SHB: variants seen among roughly 807,000 people sequenced by gnomAD.
The protein encoded by SHB is SH2 domain containing adaptor protein B.
Under a neutral mutation model 52.3 loss-of-function variants are expected in SHB, and 20 were observed. That is an observed-to-expected ratio of 0.38 (90% CI 0.27 to 0.56). The LOEUF is 0.56. Among genes scored for constraint, SHB ranks in the 20% least tolerant of loss-of-function variants. The pLI, the probability that SHB is intolerant of heterozygous loss-of-function variation, is 0.71. For synonymous variants in SHB, 397 were observed against 316.5 expected (o/e 1.25, Z -2.70); for missense variants, 825 against 723.3 (o/e 1.14, Z -1.61).
At chr9:37,955,669 T>C (rs993586421) in intron 4 of SHB, among the ~76,000 whole-genome samples, 11 of 152,068 alleles carry the variant, frequency 7.2e-5, no homozygotes, top group Non-Finnish European at 1.5e-4. Context: ...TTTCTTTTTT[T>C]TGTAGAGACA....
intron 3 of SHB, among the ~76,000 whole-genome samples, chr9:37,962,652 G>A (rs1410958692): frequency 6.6e-6 from 1 of 151,776 alleles, no homozygotes; most frequent in African/African-American, 2.4e-5. Flanking sequence ...GACTACAGGT[G>A]CATGCTACCA....
chr9:37,964,919 C>G (rs1394090926), intron 3 of SHB, among the ~76,000 whole-genome samples: 1 of 152,224 alleles, frequency 6.6e-6, no homozygotes, highest in Non-Finnish European at 1.5e-5. Context: ...TTCCTGAGTT[C>G]CGGGCCAGGC....
At chr9:38,016,477 G>T (rs973054037) in intron 1 of SHB, among the ~76,000 whole-genome samples, 1 of 152,250 alleles carries the variant, frequency 6.6e-6, no homozygotes, top group Non-Finnish European at 1.5e-5. Flanking sequence ...GAGTTGCTCG[G>T]TTTAATGGAA....
chr9:38,039,183 A>G (rs1318550144), intron 1 of SHB, among the ~76,000 whole-genome samples: 1 of 152,276 alleles, frequency 6.6e-6, no homozygotes, highest in East Asian at 1.9e-4. Flanking sequence ...GCCCTGTCAG[A>G]TACTGCTGTC....
Position 37,916,759 on chromosome 9 carries a change from C to T in SHB, c.*3062G>A, listed in dbSNP as rs1587186792. ...CGGGACTGGCAGGCGGTGGGGCCCT[C>T]TTCCCCTACAAAGCCTCCTTTCTTT... On this transcript the variant is annotated 3_prime_UTR_variant, in exon 6 of 6. Coordinates refer to ENST00000377707, the MANE Select transcript of SHB (RefSeq NM_003028.3). Among the ~76,000 whole-genome samples, 3 of 152,174 alleles carry T rather than the reference C, an allele frequency of 2.0e-5. No homozygotes were observed. In the East Asian group the frequency reaches 5.8e-4, roughly 29 times the overall value.
intron 5 of SHB, among the ~76,000 whole-genome samples, chr9:37,943,065 C>T (rs979338927): frequency 1.3e-5 from 2 of 152,164 alleles, no homozygotes; most frequent in South Asian, 2.1e-4. Context: ...GGTAAAGCCC[C>T]GACCCCTCCA....
intron 2 of SHB, among the ~76,000 whole-genome samples, chr9:38,012,107 C>T (rs919926539): frequency 6.6e-6 from 1 of 152,160 alleles, no homozygotes; most frequent in African/African-American, 2.4e-5. Context: ...CTCACGCCTT[C>T]CATCCTAGCT....
chr9:38,029,201 G>A (rs1022747986), intron 1 of SHB, among the ~76,000 whole-genome samples: 3 of 152,224 alleles, frequency 2.0e-5, no homozygotes, highest in African/African-American at 7.2e-5. Flanking sequence ...CCCCAGCCTG[G>A]CATAAAGGGG....
intron 2 of SHB, among the ~76,000 whole-genome samples, chr9:37,981,611 G>A (rs987762414): frequency 2.0e-5 from 3 of 151,944 alleles, no homozygotes; most frequent in African/African-American, 7.3e-5. Flanking sequence ...CTAACTATTC[G>A]GTGCAAGAAG....
chr9:38,068,108 A>C lies in SHB; in HGVS notation c.538T>G (p.Ser180Ala), dbSNP rs1173276841. 8 of 1,480,932 alleles carry C rather than the reference A, an allele frequency of 5.4e-6. No homozygotes were observed. Among genetic ancestry groups the C allele is most frequent in the Non-Finnish European group, 7.1e-6 (8 of 1,127,308 alleles). The allele number at this position is 1,480,932 out of a possible 1,614,324, so 91.7% of individuals were successfully genotyped here. ...ACTTTGATGAGGCGGTGCTTGGGGG[A>C]GATGTAGCGCACCTCGGCCGGCGTG... ...PATPAEVRYI[S>A]PKHRLIKVES... Residue 180 changes from serine (S) to alanine (A), a missense_variant, in exon 1 of 6, where the codon TCC becomes GCC. Ser to Ala is a moderately conservative substitution (Grantham distance 99, BLOSUM62 1). Coordinates refer to ENST00000377707, the MANE Select transcript of SHB (RefSeq NM_003028.3).
intron 1 of SHB, among the ~76,000 whole-genome samples, chr9:38,039,858 G>A (rs984335803): frequency 6.6e-6 from 1 of 152,256 alleles, no homozygotes; most frequent in Admixed American, 6.5e-5. Context: ...CGAGGGGCGA[G>A]GGGAGAGGAG....
At chr9:38,060,687 T>C (rs952156034) in intron 1 of SHB, among the ~76,000 whole-genome samples, 3 of 152,222 alleles carry the variant, frequency 2.0e-5, no homozygotes, top group African/African-American at 7.2e-5. Flanking sequence ...ACTCCCTTAA[T>C]TCAAGTGATT....
chr9:37,932,763 G>A (rs995193251), intron 5 of SHB, among the ~76,000 whole-genome samples: 1 of 152,152 alleles, frequency 6.6e-6, no homozygotes, highest in Non-Finnish European at 1.5e-5. Context: ...ACAGGGGTGT[G>A]CCACCATGCC....
chr9:38,050,611 G>A (rs550997477), intron 1 of SHB, among the ~76,000 whole-genome samples: 44 of 152,242 alleles, frequency 2.9e-4, no homozygotes, highest in Admixed American at 1.2e-3. Flanking sequence ...TAACTATGAA[G>A]GTGGTCGTCA....
chr9:37,963,030 C>G (rs974530403), intron 3 of SHB, among the ~76,000 whole-genome samples: 2 of 152,180 alleles, frequency 1.3e-5, no homozygotes, highest in African/African-American at 4.8e-5. Flanking sequence ...GCCCTTGAGC[C>G]CTCTGCTTTG....
chr9:37,947,546 GC>G (rs146772118), intron 5 of SHB, among the ~76,000 whole-genome samples: 1 of 152,298 alleles, frequency 6.6e-6, no homozygotes, highest in East Asian at 1.9e-4. Flanking sequence ...TGTGTGCCTT[GC>G]CCTACCTGCC....
At chr9:38,055,763 T>C (rs1358851627) in intron 1 of SHB, among the ~76,000 whole-genome samples, 2 of 152,082 alleles carry the variant, frequency 1.3e-5, no homozygotes, top group Admixed American at 1.3e-4. Context: ...GACTGAACGC[T>C]ACACCCACTC....
intron 1 of SHB, among the ~76,000 whole-genome samples, chr9:38,052,966 C>T (rs1821769729): frequency 6.6e-6 from 1 of 152,224 alleles, no homozygotes; most frequent in Non-Finnish European, 1.5e-5. Flanking sequence ...CCTTTGGCAG[C>T]ATTGTCCTGA....
At position 38,068,105 on chromosome 9, in the gene SHB, G is replaced by A. The variant is rs1219616964; in HGVS notation, c.541C>T (p.Pro181Ser). The change falls in exon 1 of 6, where the codon CCC (proline) becomes TCC (serine). Residue 181 changes from proline (P) to serine (S), a missense_variant. Coordinates refer to ENST00000377707, the MANE Select transcript of SHB (RefSeq NM_003028.3). ...TCCACTTTGATGAGGCGGTGCTTGGGGGAGATGTAGCGCACCTCGGCCGGC... is the reference window on the plus strand; with the variant it reads ...TCCACTTTGATGAGGCGGTGCTTGGAGGAGATGTAGCGCACCTCGGCCGGC... Reference protein sequence around the residue: ...ATPAEVRYISPKHRLIKVESA... With the variant: ...ATPAEVRYISSKHRLIKVESA... 2.7e-6 allele frequency: 4 copies of A among 1,484,452 alleles called. No homozygotes were observed. Among genetic ancestry groups the A allele is most frequent in the Admixed American group, 2.6e-5 (1 of 39,108 alleles). The allele number at this position is 1,484,452 out of a possible 1,614,324, so 92.0% of individuals were successfully genotyped here. A position where few individuals can be genotyped will look rare whatever the true frequency, so the allele number is the denominator to read the frequency against.
Sources: gnomAD v4.1 joint callset for allele counts (sites outside exome capture counted in the v4.1 genomes callset) on GRCh38, gnomAD v4.1.1 for gene constraint, MANE v1.5 for transcripts, NCBI Gene and HGNC (gene_info 2026-07-23, HGNC 2026-07-21) for gene names.